E2F2: variants seen among roughly 807,000 people sequenced by gnomAD.
The protein encoded by E2F2 is transcription factor E2F2.
Under a neutral mutation model 42.2 loss-of-function variants are expected in E2F2, and 22 were observed. That is an observed-to-expected ratio of 0.52 (90% CI 0.37 to 0.74). The LOEUF (loss-of-function observed/expected upper bound fraction) is 0.74, where lower values mean the gene tolerates loss of function less well. Among genes scored for constraint, E2F2 ranks in the 30% least tolerant of loss-of-function variants. The pLI is 0.00. For missense variants in E2F2, 481 were observed against 557.8 expected (o/e 0.86, Z 1.39); for synonymous variants, 248 against 251.6 (o/e 0.99, Z 0.13).
intron 3 of E2F2, 174 bp downstream of exon 3, chr1:23,521,663 T>A (rs534784390): frequency 8.1e-6 from 8 of 985,382 alleles, no homozygotes; most frequent in Non-Finnish European, 9.6e-6. Context: ...ACATTGGCTC[T>A]ACCCCCAGCA....
rs77687120 is a variant in E2F2, at chr1:23,529,154, C to G, written c.252+1388G>C. 3.3e-5 allele frequency among the ~76,000 whole-genome samples: 5 copies of G among 152,348 alleles called. No homozygotes were observed. In the East Asian group the frequency reaches 9.6e-4, roughly 29 times the overall value. The stretch of plus-strand genomic sequence containing the variant: ...TAGGTCACATCCCCTCTCTGAGCCT[C>G]AGTTTCCCCCTGTAACATGGAGCTA... On this transcript the variant is annotated intron_variant, in intron 1 of 6. Transcript: ENST00000361729.
intron 6 of E2F2, among the ~76,000 whole-genome samples, chr1:23,513,349 C>T (rs1642948137): frequency 1.3e-5 from 2 of 152,006 alleles, no homozygotes; most frequent in Non-Finnish European, 2.9e-5. Context: ...AGGTGTATCT[C>T]AGAATGTCAG....
intron 2 of E2F2, 146 bp downstream of exon 2, chr1:23,524,237 C>T (rs1643209491): frequency 1.6e-6 from 1 of 614,498 alleles, no homozygotes; most frequent in Non-Finnish European, 2.6e-6. Flanking sequence ...GACAAGCCTA[C>T]CTACCTGGCA....
intron 6 of E2F2, among the ~76,000 whole-genome samples, chr1:23,511,547 A>C (rs1235398699): frequency 6.6e-6 from 1 of 152,060 alleles, no homozygotes; most frequent in Non-Finnish European, 1.5e-5. Flanking sequence ...GCTCATTTCC[A>C]CTTAGATGTT....
Position 23,530,825 on chromosome 1 carries a change from T to G in E2F2, c.-32A>C, listed in dbSNP as rs750286281. On this transcript the variant is annotated 5_prime_UTR_variant, in exon 1 of 7. Coordinates refer to ENST00000361729, the MANE Select transcript of E2F2 (RefSeq NM_004091.4). The surrounding 1 kb of genome is among the most constrained non-coding windows in gnomAD (Gnocchi z 4.4). ...TAAGGCGCCCCCTACCCAAAAGGGC[T>G]TGGCGCGCCCGCGGACACCTGCGGG... The G allele has an allele frequency of 4.8e-6, 7 of 1,451,086 alleles. No individual in the cohort carries two copies. Among genetic ancestry groups the G allele is most frequent in the Non-Finnish European group, 5.5e-6 (6 of 1,099,936 alleles). The allele number at this position is 1,451,086 out of a possible 1,614,324, so 89.9% of individuals were successfully genotyped here.
At chr1:23,527,656 G>A (rs1217731072) in intron 1 of E2F2, among the ~76,000 whole-genome samples, 1 of 152,226 alleles carries the variant, frequency 6.6e-6, no homozygotes, top group African/African-American at 2.4e-5. Context: ...GTGGGGGTAG[G>A]AGCAAATGTA....
intron 1 of E2F2, among the ~76,000 whole-genome samples, chr1:23,528,185 A>G (rs1359579767): frequency 1.3e-5 from 2 of 152,330 alleles, no homozygotes; most frequent in South Asian, 2.1e-4. Context: ...AGCCTTCCTC[A>G]GAGGACTTGG....
At chr1:23,514,854 A>T (rs1408989001) in intron 6 of E2F2, among the ~76,000 whole-genome samples, 3 of 151,560 alleles carry the variant, frequency 2.0e-5, no homozygotes, top group Non-Finnish European at 4.4e-5. Context: ...AAAAAAAAAA[A>T]AGCTGGAGAG....
chr1:23,522,187 A>C, intron 2 of E2F2, 131 bp from the exon 3 acceptor site: 1 of 786,668 alleles, frequency 1.3e-6, no homozygotes, highest in East Asian at 2.7e-5. Context: ...AGTGTGAGCC[A>C]GGGCATCCAT....
chr1:23,523,345 CG>C (rs1229867472), intron 2 of E2F2, among the ~76,000 whole-genome samples: 3 of 152,000 alleles, frequency 2.0e-5, no homozygotes, highest in Admixed American at 6.6e-5. Context: ...TTAGTATAGA[CG>C]GGGTTTCACC....
intron 6 of E2F2, among the ~76,000 whole-genome samples, chr1:23,514,278 T>C (rs1289302781): frequency 6.6e-6 from 1 of 152,088 alleles, no homozygotes; most frequent in Non-Finnish European, 1.5e-5. Context: ...AGGAGGAGGA[T>C]GGACCAGAGG....
downstream of E2F2, among the ~76,000 whole-genome samples, chr1:23,505,912 C>G (rs1374436145): frequency 6.6e-6 from 1 of 152,180 alleles, no homozygotes; most frequent in Admixed American, 6.5e-5. Context: ...TCTCCTGCCT[C>G]AGCCTCTTCA....
intron 6 of E2F2, among the ~76,000 whole-genome samples, chr1:23,513,297 A>C (rs1003018391): frequency 7.0e-4 from 106 of 152,188 alleles, no homozygotes; most frequent in African/African-American, 2.5e-3. Context: ...AGGCTTGAAC[A>C]CAGGTCTCCC....
chr1:23,526,525 T>C (rs2742973), intron 1 of E2F2, among the ~76,000 whole-genome samples: 92,417 of 151,722 alleles, frequency 0.61, 28,754 homozygotes, highest in East Asian at 0.83. Flanking sequence ...GCCACACCTG[T>C]CTCCCCCGCC....
At chr1:23,511,212 T>A (rs992290841) in intron 6 of E2F2, among the ~76,000 whole-genome samples, 2 of 151,878 alleles carry the variant, frequency 1.3e-5, no homozygotes, top group African/African-American at 4.8e-5. Context: ...TCTCCAGCAC[T>A]CTATGCTCAT....
rs746903464 is a variant in E2F2, at chr1:23,530,415, CT to C, written c.252+126del. On this transcript the variant is annotated intron_variant, in intron 1 of 6. Coordinates refer to ENST00000361729, the MANE Select transcript of E2F2 (RefSeq NM_004091.4). This position sits in a 1 kb window ranked among gnomAD's most constrained non-coding sequence, Gnocchi z 4.4. ...TATTGGGGGCACTGGGTCCTGGAAA[CT>C]GAAAGCTCATCTTCCCTCTTCCCAA... The C allele has an allele frequency of 1.7e-5, 22 of 1,332,970 alleles. No homozygotes were observed. Among genetic ancestry groups the C allele is most frequent in the Middle Eastern group, 3.8e-4 (2 of 5,242 alleles). The allele number at this position is 1,332,970 out of a possible 1,614,324, so 82.6% of individuals were successfully genotyped here.
In E2F2 at chr1:23,521,132, CA is replaced by C. The variant is rs1558249017; in HGVS notation, c.579-62del. On this transcript the variant is annotated intron_variant, in intron 3 of 6. Transcript: ENST00000361729. ...GGTGAAACTCCAGAACAAGGTCATT[CA>C]AAAAATAGTCTATGAGGGTGCTTCC... The C allele has an allele frequency of 2.0e-6, 3 of 1,483,248 alleles. No homozygotes were observed. In the South Asian group the frequency reaches 4.1e-5, roughly 20 times the overall value. The allele number at this position is 1,483,248 out of a possible 1,614,324, so 91.9% of individuals were successfully genotyped here. A position where few individuals can be genotyped will look rare whatever the true frequency, so the allele number is the denominator to read the frequency against.
At position 23,520,409 on chromosome 1, in the gene E2F2, G is replaced by T. The variant is rs3218172; in HGVS notation, c.737+504C>A. Among the ~76,000 whole-genome samples the T allele has an allele frequency of 5.7e-3, 875 of 152,178 alleles. 8 individuals are homozygous for T. The highest frequency in any genetic ancestry group is 0.018 in the African/African-American group (762 of 41,512). ...TTTTTCTCCGTTTTCCAGATTTAAA[G>T]AAATTTACTTGGCTTATTTTCAATA... On this transcript the variant is annotated intron_variant, in intron 4 of 6. Transcript: ENST00000361729.
chr1:23,523,809 C>T (rs1414034696), intron 2 of E2F2, among the ~76,000 whole-genome samples: 1 of 152,110 alleles, frequency 6.6e-6, no homozygotes, highest in Admixed American at 6.6e-5. Flanking sequence ...CATGGTGGCT[C>T]ACGCCTGTAA....
Sources: allele counts gnomAD v4.1 joint callset (sites outside exome capture counted in the v4.1 genomes callset), GRCh38; gene constraint gnomAD v4.1.1; non-coding constraint Gnocchi (gnomAD v3.1); transcripts MANE v1.5; gene names NCBI Gene and HGNC (gene_info 2026-07-23, HGNC 2026-07-21).